The following ARMC2 variants were observed in gnomAD, a reference collection of about 807,000 sequenced individuals.
ARMC2 encodes the protein armadillo repeat containing 2, also known as armadillo repeat-containing protein 2.
ARMC2 carries 67 observed loss-of-function variants against 90.3 expected under a neutral mutation model. The ratio of observed to expected loss-of-function variants is 0.74; its 90% CI spans 0.61 to 0.91. ARMC2 has a LOEUF of 0.91. Among genes scored for constraint, ARMC2 ranks in the 40% least tolerant of loss-of-function variants. The probability of loss-of-function intolerance (pLI) is 0.00; values close to 1 mark genes in which losing one functional copy is unlikely to be tolerated. For missense variants in ARMC2, 920 were observed against 1,030.9 expected, an observed-to-expected ratio of 0.89 and a Z score of 1.47; for synonymous variants, 393 against 393.0, an observed-to-expected ratio of 1.00 and a Z score of 0.00.
the ARMC2 span, among the ~76,000 whole-genome samples, chr6:109,024,928 AATGGCC>A: frequency 6.6e-6 from 1 of 152,242 alleles, no homozygotes; most frequent in African/African-American, 2.4e-5. Flanking sequence ...TATTGTTTAA[AATGGCC>A]GAACTGGCAA....
At chr6:108,972,377 G>C (rs1044028135) in intron 17 of ARMC2, among the ~76,000 whole-genome samples, 4 of 152,124 alleles carry the variant, frequency 2.6e-5, no homozygotes, top group Non-Finnish European at 4.4e-5. Context: ...GAGAGTTTGG[G>C]GGTGGAAAGT....
intron 12 of ARMC2, among the ~76,000 whole-genome samples, chr6:108,944,572 T>C (rs1776670424): frequency 2.0e-5 from 3 of 152,220 alleles, no homozygotes; most frequent in Admixed American, 2.0e-4. Flanking sequence ...TGCGAGTTGC[T>C]GATTCATTTG....
intron 4 of ARMC2, among the ~76,000 whole-genome samples, chr6:108,874,749 C>T (rs1407634676): frequency 1.3e-5 from 2 of 152,052 alleles, no homozygotes; most frequent in East Asian, 3.9e-4. Flanking sequence ...TGAGCCAAAG[C>T]CTGTGTTCTT....
chr6:108,903,462 A>G (rs1348522704), intron 7 of ARMC2, among the ~76,000 whole-genome samples: 1 of 152,088 alleles, frequency 6.6e-6, no homozygotes, highest in Non-Finnish European at 1.5e-5. Context: ...CTTTTGTTCT[A>G]TTAGAACCCT....
the ARMC2 span, among the ~76,000 whole-genome samples, chr6:109,050,388 T>TA: frequency 0.18 from 24,282 of 134,004 alleles, 2,091 homozygotes; most frequent in African/African-American, 0.22. Flanking sequence ...TTTAAATTGT[T>TA]AAAAAAAAAA....
intron 8 of ARMC2, among the ~76,000 whole-genome samples, chr6:108,906,006 A>G (rs2128466102): frequency 6.6e-6 from 1 of 152,308 alleles, no homozygotes; most frequent in Non-Finnish European, 1.5e-5. Flanking sequence ...ACTACATCAT[A>G]AGAACTGTTG....
chr6:108,961,776 T>G, intron 14 of ARMC2, 82 bp downstream of exon 14: 5 of 1,411,644 alleles, frequency 3.5e-6, no homozygotes, highest in South Asian at 1.4e-5. Flanking sequence ...GCAGGAGACA[T>G]TACTATCTTC....
intron 6 of ARMC2, among the ~76,000 whole-genome samples, 169 bp downstream of exon 6, chr6:108,894,712 T>C (rs1007372176): frequency 4.2e-4 from 63 of 151,596 alleles, no homozygotes; most frequent in Non-Finnish European, 7.4e-4. Flanking sequence ...AATGTTACCA[T>C]CTTACCACTA....
the ARMC2 span, among the ~76,000 whole-genome samples, chr6:109,005,138 T>A: frequency 1.3e-5 from 2 of 152,196 alleles, no homozygotes; most frequent in African/African-American, 4.8e-5. Flanking sequence ...ACTGCAACAT[T>A]GTTTCTAATA....
At chr6:109,020,084 C>G in the ARMC2 span, among the ~76,000 whole-genome samples, 8 of 152,150 alleles carry the variant, frequency 5.3e-5, no homozygotes, top group African/African-American at 1.7e-4. Flanking sequence ...TCCCTAAGAA[C>G]AAAAACACAA....
intron 5 of ARMC2, among the ~76,000 whole-genome samples, chr6:108,884,255 A>C (rs1461540215): frequency 6.6e-6 from 1 of 152,170 alleles, no homozygotes; most frequent in East Asian, 1.9e-4. Flanking sequence ...TTGCTTCTCA[A>C]GTATGGTCCC....
At chr6:108,945,238 G>A (rs553515539) in intron 12 of ARMC2, among the ~76,000 whole-genome samples, 3 of 152,244 alleles carry the variant, frequency 2.0e-5, no homozygotes, top group Non-Finnish European at 2.9e-5. Flanking sequence ...GCCTCAGGAG[G>A]CGCCTCTGAC....
At chr6:109,015,274 T>C in the ARMC2 span, among the ~76,000 whole-genome samples, 5 of 152,246 alleles carry the variant, frequency 3.3e-5, no homozygotes, top group Admixed American at 2.6e-4. Flanking sequence ...TTGGAACTCA[T>C]AGATACCCAA....
intron 11 of ARMC2, among the ~76,000 whole-genome samples, chr6:108,932,091 T>A (rs1375934516): frequency 6.6e-6 from 1 of 151,938 alleles, no homozygotes; most frequent in Middle Eastern, 3.2e-3. Context: ...GTGGGGTTGT[T>A]TTTCTCTTGT....
At chr6:109,032,433 A>G in the ARMC2 span, among the ~76,000 whole-genome samples, 1 of 152,206 alleles carries the variant, frequency 6.6e-6, no homozygotes, top group Non-Finnish European at 1.5e-5. Context: ...CCTGGCCAAC[A>G]TAGTGAAACC....
chr6:108,887,484 A>G, intron 5 of ARMC2, among the ~76,000 whole-genome samples: 1 of 152,206 alleles, frequency 6.6e-6, no homozygotes, highest in East Asian at 1.9e-4. Context: ...TGCTTTAATC[A>G]GAACTCCAAC....
At chr6:108,939,682 C>T (rs943001019) in intron 12 of ARMC2, among the ~76,000 whole-genome samples, 6 of 152,070 alleles carry the variant, frequency 3.9e-5, no homozygotes, top group South Asian at 2.1e-4. Flanking sequence ...TGTAGCAATG[C>T]AAGAACAGAC....
chr6:108,967,376 G>A (rs1778445014), intron 17 of ARMC2, among the ~76,000 whole-genome samples: 1 of 152,214 alleles, frequency 6.6e-6, no homozygotes, highest in South Asian at 2.1e-4. Flanking sequence ...CAAGGATGGT[G>A]GGGCTGCGGG....
At chr6:108,930,810 T>A (rs1253745572) in intron 11 of ARMC2, among the ~76,000 whole-genome samples, 1 of 151,942 alleles carries the variant, frequency 6.6e-6, no homozygotes, top group Non-Finnish European at 1.5e-5. Context: ...TTAGCCAGGA[T>A]GGTCTCGATA....
Sources: gnomAD v4.1 joint callset for allele counts (sites outside exome capture counted in the v4.1 genomes callset) on GRCh38, gnomAD v4.1.1 for gene constraint, MANE v1.5 for transcripts, NCBI Gene and HGNC (gene_info 2026-07-23, HGNC 2026-07-21) for gene names.